Variants in GRM8 observed in about 807,000 individuals in gnomAD.
GRM8 encodes metabotropic glutamate receptor 8.
A neutral mutation model predicts 87.2 loss-of-function variants in GRM8; 47 were observed. The ratio of observed to expected loss-of-function variants is 0.54; its 90% CI spans 0.43 to 0.69. GRM8 has a LOEUF of 0.69. Ranked by LOEUF, GRM8 falls within the 30% of genes least tolerant of loss-of-function variation. The pLI, the probability that GRM8 is intolerant of heterozygous loss-of-function variation, is 0.00. For synonymous variants in GRM8, 396 were observed against 404.5 expected (o/e 0.98, Z 0.25); for missense variants, 1,019 against 1,139.2 (o/e 0.89, Z 1.52).
In GRM8 at chr7:126,979,176, G is replaced by C. The variant is rs1230571940; in HGVS notation, c.728-74493C>G. Among the ~76,000 whole-genome samples, 4 of 152,022 alleles carry C rather than the reference G, an allele frequency of 2.6e-5. No individual in the cohort carries two copies. The South Asian group carries it at 8.3e-4, about 32-fold the overall frequency. On this transcript the variant is annotated intron_variant, in intron 3 of 10. Coordinates refer to ENST00000339582, the MANE Select transcript of GRM8 (RefSeq NM_000845.3). ...ATGATATTGATATGTATTATCACTG[G>C]GTGAATTCTAAATACAAAGCCAATT...
At chr7:126,577,698 T>C (rs1795238970) in intron 8 of GRM8, among the ~76,000 whole-genome samples, 1 of 152,176 alleles carries the variant, frequency 6.6e-6, no homozygotes, top group Non-Finnish European at 1.5e-5. Context: ...TTAATTGAAA[T>C]TTCTCAGCAA....
At chr7:126,633,449 G>A (rs1052718972) in intron 7 of GRM8, among the ~76,000 whole-genome samples, 6 of 152,254 alleles carry the variant, frequency 3.9e-5, no homozygotes, top group Admixed American at 2.6e-4. Context: ...CAATGCTCCT[G>A]AAGATCTTGA....
At chr7:127,178,845 A>G (rs1473025479) in intron 2 of GRM8, among the ~76,000 whole-genome samples, 3 of 152,226 alleles carry the variant, frequency 2.0e-5, no homozygotes, top group Non-Finnish European at 2.9e-5. Context: ...AGGGAGCTCT[A>G]AATCTTGAAA....
At chr7:126,910,604 C>T (rs142233278) in intron 3 of GRM8, among the ~76,000 whole-genome samples, 3,824 of 152,244 alleles carry the variant, frequency 0.025, 139 homozygotes, top group African/African-American at 0.084. Context: ...GAAGTTGTCA[C>T]TGAAATGGGA....
chr7:127,240,450 G>C (rs1433374104), intron 2 of GRM8, among the ~76,000 whole-genome samples: 1 of 146,764 alleles, frequency 6.8e-6, no homozygotes, highest in African/African-American at 2.5e-5. Flanking sequence ...ATGCAAACAA[G>C]CTTGGAAAAC....
In GRM8 at chr7:126,683,857, G is replaced by T. The variant is rs144768654; in HGVS notation, c.1358-74359C>A. Among the ~76,000 whole-genome samples the T allele has an allele frequency of 2.8e-3, 424 of 152,294 alleles. 7 individuals are homozygous for T. Among genetic ancestry groups the T allele is most frequent in the African/African-American group, 9.7e-3 (403 of 41,558 alleles). On this transcript the variant is annotated intron_variant, in intron 7 of 10. Coordinates refer to ENST00000339582, the MANE Select transcript of GRM8 (RefSeq NM_000845.3). The stretch of plus-strand genomic sequence containing the variant: ...TGATGAGTTAATAGTAGATTAAAAG[G>T]CTCCCAGGAGAGAATGAATTTGGAC...
intron 2 of GRM8, among the ~76,000 whole-genome samples, chr7:127,175,180 G>T (rs1215667575): frequency 6.6e-6 from 1 of 152,138 alleles, no homozygotes; most frequent in African/African-American, 2.4e-5. Context: ...ACTATGAAAA[G>T]TCTTAGAATC....
At chr7:127,248,448 A>C (rs1363434478) in intron 1 of GRM8, among the ~76,000 whole-genome samples, 1 of 152,194 alleles carries the variant, frequency 6.6e-6, no homozygotes, top group Non-Finnish European at 1.5e-5. Flanking sequence ...CTGGATCTCA[A>C]ACTAACCCTG....
chr7:126,456,920 C>T (rs1357212149), intron 9 of GRM8, among the ~76,000 whole-genome samples: 2 of 151,320 alleles, frequency 1.3e-5, no homozygotes, highest in Non-Finnish European at 3.0e-5. Context: ...GACCAAAAAC[C>T]GTGGGCAAAC....
chr7:126,852,037 T>C (rs2130729677), intron 6 of GRM8, among the ~76,000 whole-genome samples: 1 of 152,278 alleles, frequency 6.6e-6, no homozygotes, highest in African/African-American at 2.4e-5. Flanking sequence ...CAGAGCAGTC[T>C]GGCCCACATC....
intron 3 of GRM8, among the ~76,000 whole-genome samples, chr7:127,037,343 G>C (rs995196305): frequency 6.6e-6 from 1 of 152,118 alleles, no homozygotes; most frequent in Non-Finnish European, 1.5e-5. Context: ...TTGCCTCCCA[G>C]GACTTGCTCC....
chr7:126,663,688 C>G (rs1317964750), intron 7 of GRM8, among the ~76,000 whole-genome samples: 1 of 152,120 alleles, frequency 6.6e-6, no homozygotes, highest in African/African-American at 2.4e-5. Context: ...CAACATCATA[C>G]TGAACAGGCA....
At chr7:127,220,186 G>T (rs568568803) in intron 2 of GRM8, among the ~76,000 whole-genome samples, 1 of 152,166 alleles carries the variant, frequency 6.6e-6, no homozygotes, top group African/African-American at 2.4e-5. Context: ...GACTGACATC[G>T]CTAAGGTCTT....
chr7:126,813,295 C>T (rs1000195170), intron 6 of GRM8, among the ~76,000 whole-genome samples: 3 of 151,870 alleles, frequency 2.0e-5, no homozygotes, highest in Non-Finnish European at 4.4e-5. Flanking sequence ...CAGGCTTCAC[C>T]AAGGTTATGA....
At chr7:126,652,924 G>C (rs1804077751) in intron 7 of GRM8, among the ~76,000 whole-genome samples, 1 of 151,976 alleles carries the variant, frequency 6.6e-6, no homozygotes, top group South Asian at 2.1e-4. Flanking sequence ...CTGTAGCTTA[G>C]AGGAACAGTT....
intron 7 of GRM8, among the ~76,000 whole-genome samples, chr7:126,750,776 A>C (rs1430475368): frequency 6.6e-6 from 1 of 152,090 alleles, no homozygotes; most frequent in Non-Finnish European, 1.5e-5. Context: ...TCTAAATTAT[A>C]AAGGTTCTTT....
chr7:127,015,072 A>AAAGAAAGAAGGAG (rs1815390493), intron 3 of GRM8, among the ~76,000 whole-genome samples: 140 of 103,776 alleles, frequency 1.3e-3, no homozygotes, highest in South Asian at 2.9e-3. Flanking sequence ...AAGAAGAAAG[A>AAAGAAAGAAGGAG]AAGAAGGAGA....
intron 3 of GRM8, among the ~76,000 whole-genome samples, chr7:126,964,548 A>T (rs994959138): frequency 6.6e-6 from 1 of 152,226 alleles, no homozygotes; most frequent in Non-Finnish European, 1.5e-5. Flanking sequence ...GCCAACAAAC[A>T]TATGAAAAAA....
intron 3 of GRM8, among the ~76,000 whole-genome samples, chr7:127,089,202 G>A (rs17864125): frequency 0.095 from 14,396 of 152,200 alleles, 958 homozygotes; most frequent in Middle Eastern, 0.18. Flanking sequence ...CAGAGAGAAA[G>A]GTGATGTGAC....
Sources: gnomAD v4.1 joint callset for allele counts (sites outside exome capture counted in the v4.1 genomes callset) on GRCh38, gnomAD v4.1.1 for gene constraint, MANE v1.5 for transcripts, NCBI Gene and HGNC (gene_info 2026-07-23, HGNC 2026-07-21) for gene names.